Variants in NEMF observed in about 807,000 individuals in gnomAD.
NEMF encodes ribosome quality control complex subunit NEMF.
NEMF carries 89 observed loss-of-function variants against 162.2 expected under a neutral mutation model. The observed-to-expected ratio is 0.55, with a 90% confidence interval of 0.46 to 0.65. The LOEUF is 0.65. Among genes scored for constraint, NEMF ranks in the 30% least tolerant of loss-of-function variants. The pLI, the probability that NEMF is intolerant of heterozygous loss-of-function variation, is 0.00. For synonymous variants in NEMF, 421 were observed against 404.5 expected (o/e 1.04, Z -0.49); for missense variants, 1,133 against 1,261.9 (o/e 0.90, Z 1.55).
chr14:49,801,352 G>C (rs916621866), intron 22 of NEMF: 26 of 152,166 alleles, frequency 1.7e-4, no homozygotes, highest in African/African-American at 6.0e-4. Flanking sequence ...GCCAGGCGTG[G>C]TGGCAGGCGC....
At chr14:49,843,660 G>A (rs1421979614) in intron 4 of NEMF, among the ~76,000 whole-genome samples, 2 of 152,186 alleles carry the variant, frequency 1.3e-5, no homozygotes, top group Non-Finnish European at 2.9e-5. Context: ...ATCCACCAAA[G>A]ATATGATATA....
At chr14:49,833,692 T>C (rs933183961) in intron 7 of NEMF, among the ~76,000 whole-genome samples, 196 bp from the exon 8 acceptor site, 4 of 152,222 alleles carry the variant, frequency 2.6e-5, no homozygotes, top group African/African-American at 9.6e-5. Flanking sequence ...GTTGTCCAAG[T>C]AGCTTTTATT....
At position 49,806,230 on chromosome 14, in the gene NEMF, GTGTATATATA is replaced by G. The variant is rs1395518969; in HGVS notation, c.1745-107_1745-98del. Reference sequence around the variant, plus strand: ...TGCCGCATGACAGGGTCAATGATATGTGTATATATATATATATATATATATATTTTTTTTT... The same window carrying G: ...TGCCGCATGACAGGGTCAATGATATGTATATATATATATATATTTTTTTTT... On this transcript the variant is annotated intron_variant, in intron 18 of 32. Coordinates refer to ENST00000298310, the MANE Select transcript of NEMF (RefSeq NM_004713.6). 5 of 104,322 alleles carry G rather than the reference GTGTATATATA, an allele frequency of 4.8e-5. No homozygotes were observed. In the African/African-American group the frequency reaches 8.2e-4, roughly 17 times the overall value. The allele number at this position is 104,322 out of a possible 1,614,324, so 6.5% of individuals were successfully genotyped here.
In NEMF at chr14:49,827,676, G is replaced by A. The variant is rs184300719; in HGVS notation, c.1488+615C>T. On this transcript the variant is annotated intron_variant, in intron 15 of 32. Transcript: ENST00000298310. ...AAAACTACAAAAATTAGCTGGGTGT[G>A]GTGGCGGGCGCCTGTAATCCCAGCT... Among the ~76,000 whole-genome samples, 715 of 152,268 alleles carry A rather than the reference G, an allele frequency of 4.7e-3. 5 individuals are homozygous for A. The highest frequency in any genetic ancestry group is 0.016 in the African/African-American group (671 of 41,550).
intron 5 of NEMF, 62 bp downstream of exon 5, chr14:49,840,656 C>A: frequency 1.4e-6 from 2 of 1,426,196 alleles, no homozygotes; most frequent in East Asian, 2.4e-5. Flanking sequence ...GACAGGGTCT[C>A]ATTATGTTGC....
chr14:49,789,684 A>G, intron 26 of NEMF, 111 bp from the exon 27 acceptor site: 11 of 1,388,318 alleles, frequency 7.9e-6, no homozygotes, highest in Non-Finnish European at 1.1e-5. Context: ...TGCTTACTGA[A>G]TAAGGCACCA....
chr14:49,825,375 T>C (rs1259401299), intron 16 of NEMF, among the ~76,000 whole-genome samples: 1 of 151,938 alleles, frequency 6.6e-6, no homozygotes, highest in East Asian at 1.9e-4. Flanking sequence ...TAAAGGCAAA[T>C]ATCAAAAGAA....
In NEMF at chr14:49,802,454, T is replaced by G; in HGVS notation, c.2094A>C (p.Leu698Phe). ...AATTTCTTAAAATCTATAAACTACC[T>G]AATTGTTCCATTTCTTCTGATATGA... is the stretch of plus-strand genomic sequence containing the variant. ...SELISEEMEQ[L>F]DGGDTSSDED... The change falls in exon 22 of 33, where the codon TTA (leucine) becomes TTC (phenylalanine). Residue 698 changes from leucine (L) to phenylalanine (F), a missense_variant and splice_region_variant. Leu to Phe is a conservative substitution (Grantham distance 22, BLOSUM62 0). Coordinates refer to ENST00000298310, the MANE Select transcript of NEMF (RefSeq NM_004713.6). 6.2e-7 allele frequency: 1 copy of G among 1,612,974 alleles called. No homozygotes were observed. Among genetic ancestry groups the G allele is most frequent in the Non-Finnish European group, 8.5e-7 (1 of 1,179,606 alleles).
intron 16 of NEMF, among the ~76,000 whole-genome samples, chr14:49,817,080 GA>G (rs1891749931): frequency 1.3e-5 from 2 of 152,268 alleles, no homozygotes; most frequent in Admixed American, 1.3e-4. Context: ...TGTCAGACTG[GA>G]AAACAATGAC....
chr14:49,847,562 G>C (rs578062520), intron 3 of NEMF, among the ~76,000 whole-genome samples: 1 of 151,832 alleles, frequency 6.6e-6, no homozygotes, highest in African/African-American at 2.4e-5. Context: ...TTTCCCTTTT[G>C]TATGCTTCAT....
chr14:49,849,413 AAGCTAT>A (rs373451172), intron 3 of NEMF, among the ~76,000 whole-genome samples: 237 of 152,322 alleles, frequency 1.6e-3, no homozygotes, highest in African/African-American at 5.4e-3. Flanking sequence ...GTGTGCCACA[AAGCTAT>A]AGCTGTCATC....
chr14:49,795,616 C>T lies in NEMF; in HGVS notation c.2619+175G>A, dbSNP rs1347603950. ...ATGATCTTGAAAGTCTAAAGAACTT[C>T]TAATAGTGATCTCTGTGTTCCCTAA... On this transcript the variant is annotated intron_variant, in intron 26 of 32. Coordinates refer to ENST00000298310, the MANE Select transcript of NEMF (RefSeq NM_004713.6). 2.6e-5 allele frequency among the ~76,000 whole-genome samples: 4 copies of T among 152,318 alleles called. No individual in the cohort carries two copies. The South Asian group carries it at 8.3e-4, about 32-fold the overall frequency.
rs546295676 is a variant in NEMF, at chr14:49,851,557, G to A, written c.231+6C>T. On this transcript the variant is annotated splice_donor_region_variant and intron_variant, in intron 3 of 32. Transcript: ENST00000298310. ...TAAAATTTAGCTTCAAGCGTAACAAGTTTACCTTCATGGCAAAACTAGACG... is the reference window on the plus strand; with the variant it reads ...TAAAATTTAGCTTCAAGCGTAACAAATTTACCTTCATGGCAAAACTAGACG... 5.6e-6 allele frequency: 9 copies of A among 1,601,868 alleles called. No homozygotes were observed. In the South Asian group the frequency reaches 8.8e-5, roughly 16 times the overall value.
chr14:49,786,299 AAATCCCAGAGTTCTTATTTGCTGTGCTGC>A, intron 29 of NEMF: 1 of 170,856 alleles, frequency 5.9e-6, no homozygotes, highest in East Asian at 1.7e-4. Flanking sequence ...TATTAAGGAG[AAATCCCAGAGTTCTTATTTGCTGTGCTGC>A]CTGTGAGATT....
chr14:49,816,069 T>C (rs1397611756), intron 16 of NEMF, among the ~76,000 whole-genome samples: 1 of 152,224 alleles, frequency 6.6e-6, no homozygotes, highest in Non-Finnish European at 1.5e-5. Context: ...TGTGACTGGC[T>C]TCCTGAGTAT....
intron 6 of NEMF, among the ~76,000 whole-genome samples, chr14:49,836,251 C>T (rs1234965585): frequency 6.6e-6 from 1 of 152,202 alleles, no homozygotes; most frequent in Non-Finnish European, 1.5e-5. Flanking sequence ...TGCACTCCAG[C>T]CTGGGCAACA....
intron 18 of NEMF, among the ~76,000 whole-genome samples, chr14:49,812,657 A>G (rs1292469709): frequency 6.6e-6 from 1 of 151,998 alleles, no homozygotes; most frequent in East Asian, 1.9e-4. Flanking sequence ...TCTTTGTTCC[A>G]TTGCTTATTT....
chr14:49,792,589 T>A (rs1390144834), intron 26 of NEMF, among the ~76,000 whole-genome samples: 1 of 152,178 alleles, frequency 6.6e-6, no homozygotes, highest in East Asian at 1.9e-4. Context: ...GAAACTGGTA[T>A]AATGTAAACA....
In NEMF at chr14:49,784,355, G is replaced by C. The variant is rs1007386820; in HGVS notation, c.*281C>G. On this transcript the variant is annotated 3_prime_UTR_variant, in exon 33 of 33. Transcript: ENST00000298310. ...CTTTACATCATGAAATGAATACTTG[G>C]TATTAACCTCCCAAATTTCAAGAAA... The C allele has an allele frequency of 1.4e-4, 40 of 283,676 alleles. No homozygotes were observed. Among genetic ancestry groups the C allele is most frequent in the Non-Finnish European group, 2.6e-4 (39 of 152,288 alleles). 17.6% of individuals were successfully genotyped at this position (283,676 alleles called of 1,614,324 possible). A position where few individuals can be genotyped will look rare whatever the true frequency, so the allele number is the denominator to read the frequency against.
Sources: allele counts gnomAD v4.1 joint callset (sites outside exome capture counted in the v4.1 genomes callset), GRCh38; gene constraint gnomAD v4.1.1; transcripts MANE v1.5; gene names NCBI Gene and HGNC (gene_info 2026-07-23, HGNC 2026-07-21).